The following GABRB1 variants were observed in gnomAD, a reference collection of about 807,000 sequenced individuals.
GABRB1 encodes gamma-aminobutyric acid type A receptor subunit beta1.
GABRB1 carries 17 observed loss-of-function variants against 51.6 expected under a neutral mutation model. That is an observed-to-expected ratio of 0.33 (90% CI 0.23 to 0.49). GABRB1 has a LOEUF of 0.49. GABRB1 is among the 20% of genes least tolerant of loss of function. The pLI is 0.99. For synonymous variants in GABRB1, 247 were observed against 218.9 expected (o/e 1.13, Z -1.14); for missense variants, 410 against 600.6 (o/e 0.68, Z 3.32).
intron 4 of GABRB1, among the ~76,000 whole-genome samples, chr4:47,282,176 A>G (rs531467282): frequency 6.6e-6 from 1 of 152,326 alleles, no homozygotes; most frequent in East Asian, 1.9e-4. Flanking sequence ...TGTCAGTTAA[A>G]AATTTTTAAA....
At position 47,032,131 on chromosome 4, in the gene GABRB1, C is replaced by G. The variant is rs865820336; in HGVS notation, c.172+126C>G. On this transcript the variant is annotated intron_variant, in intron 2 of 8. Transcript: ENST00000295454. ...GTAAGCGTGCACTATACCCTGGGCA[C>G]ACACACACACACACACACACACACA... is the stretch of plus-strand genomic sequence containing the variant. The G allele has an allele frequency of 5.2e-3, 3,064 of 587,024 alleles. 17 individuals are homozygous for G. Among genetic ancestry groups the G allele is most frequent in the East Asian group, 0.02 (606 of 29,574 alleles). The allele number at this position is 587,024 out of a possible 1,614,324, so 36.4% of individuals were successfully genotyped here. A position where few individuals can be genotyped will look rare whatever the true frequency, so the allele number is the denominator to read the frequency against.
intron 4 of GABRB1, among the ~76,000 whole-genome samples, chr4:47,292,246 T>G (rs114452637): frequency 0.019 from 2,939 of 152,300 alleles, 40 homozygotes; most frequent in Non-Finnish European, 0.033. Context: ...AGACTTGCCT[T>G]TCACCTTCCA....
intron 5 of GABRB1, among the ~76,000 whole-genome samples, chr4:47,375,438 G>C (rs887324596): frequency 6.6e-6 from 1 of 152,182 alleles, no homozygotes; most frequent in Non-Finnish European, 1.5e-5. Context: ...GTTATCAGTG[G>C]GAGAGCTAGG....
chr4:47,023,800 A>T (rs973320509), intron 1 of GABRB1, among the ~76,000 whole-genome samples: 10 of 152,048 alleles, frequency 6.6e-5, no homozygotes, highest in African/African-American at 2.2e-4. Flanking sequence ...CTTGCTGTGT[A>T]CCAACACAAA....
intron 4 of GABRB1, among the ~76,000 whole-genome samples, chr4:47,245,496 G>C (rs920790326): frequency 1.3e-5 from 2 of 152,110 alleles, no homozygotes; most frequent in African/African-American, 4.8e-5. Flanking sequence ...GTTAGTAAGG[G>C]ATTGGGGAGA....
chr4:47,172,005 G>A (rs936935583), intron 4 of GABRB1, among the ~76,000 whole-genome samples: 3 of 151,860 alleles, frequency 2.0e-5, no homozygotes, highest in Non-Finnish European at 2.9e-5. Context: ...TTCCACTGTC[G>A]TTTGTATATC....
intron 4 of GABRB1, among the ~76,000 whole-genome samples, chr4:47,260,969 G>A (rs1170749792): frequency 6.6e-6 from 1 of 152,024 alleles, no homozygotes; most frequent in Non-Finnish European, 1.5e-5. Context: ...TCTCAATAGA[G>A]GCAGAACAGG....
At chr4:47,060,593 T>C (rs941945636) in intron 3 of GABRB1, among the ~76,000 whole-genome samples, 4 of 152,200 alleles carry the variant, frequency 2.6e-5, no homozygotes, top group Admixed American at 2.0e-4. Context: ...TCAACTCTTA[T>C]GACTTTATAC....
At chr4:47,208,607 AG>A (rs1720231577) in intron 4 of GABRB1, among the ~76,000 whole-genome samples, 1 of 152,122 alleles carries the variant, frequency 6.6e-6, no homozygotes, top group Non-Finnish European at 1.5e-5. Context: ...ATTTTATAAA[AG>A]CTGTCAAAAA....
At chr4:47,091,998 C>G (rs1560530104) in intron 3 of GABRB1, among the ~76,000 whole-genome samples, 1 of 152,116 alleles carries the variant, frequency 6.6e-6, no homozygotes, top group Non-Finnish European at 1.5e-5. Flanking sequence ...TTCCCATGAT[C>G]ACAGACTGGG....
intron 5 of GABRB1, among the ~76,000 whole-genome samples, chr4:47,393,280 C>A (rs1160618811): frequency 2.0e-5 from 3 of 152,182 alleles, no homozygotes; most frequent in African/African-American, 7.2e-5. Context: ...GTTTTGACTG[C>A]AAGCAAAAAT....
intron 4 of GABRB1, among the ~76,000 whole-genome samples, chr4:47,169,434 T>TA (rs1332290751): frequency 6.6e-6 from 1 of 152,144 alleles, no homozygotes; most frequent in Non-Finnish European, 1.5e-5. Context: ...GTTTAAAAGG[T>TA]AGCACACTAT....
At chr4:47,042,926 A>G (rs1310978690) in intron 3 of GABRB1, among the ~76,000 whole-genome samples, 1 of 151,948 alleles carries the variant, frequency 6.6e-6, no homozygotes, top group Non-Finnish European at 1.5e-5. Flanking sequence ...TTAAAATGTC[A>G]ACTTTTGTCT....
intron 4 of GABRB1, among the ~76,000 whole-genome samples, chr4:47,239,865 A>G (rs1481183130): frequency 6.6e-6 from 1 of 152,122 alleles, no homozygotes; most frequent in Non-Finnish European, 1.5e-5. Flanking sequence ...CAATCACCCT[A>G]TCCGGCCTTT....
At chr4:47,207,578 T>C (rs1013052848) in intron 4 of GABRB1, among the ~76,000 whole-genome samples, 6 of 152,080 alleles carry the variant, frequency 3.9e-5, no homozygotes, top group Admixed American at 2.6e-4. Context: ...GGTAACCCTT[T>C]GTTTTATAAA....
Position 47,003,298 on chromosome 4 carries a change from G to A in GABRB1, c.-20+9372G>A, listed in dbSNP as rs75681569. On this transcript the variant is annotated intron_variant, in intron 1 of 3. Coordinates refer to the GABRB1 transcript ENST00000513567. ...CTCCCAGGTAAGGGTTTTGTTATCT[G>A]TCTCTACAGACTGTTGTAATTCTGT... 9.2e-3 allele frequency among the ~76,000 whole-genome samples: 1,396 copies of A among 152,216 alleles called. 18 individuals are homozygous for A. Among genetic ancestry groups the A allele is most frequent in the African/African-American group, 0.031 (1,297 of 41,530 alleles).
At chr4:47,215,014 T>A (rs73247673) in intron 4 of GABRB1, among the ~76,000 whole-genome samples, 19,238 of 152,090 alleles carry the variant, frequency 0.13, 1,397 homozygotes, top group Non-Finnish European at 0.15. Context: ...TTTGTTGGGA[T>A]GTAACCCCAC....
chr4:47,262,032 A>G (rs1461912162), intron 4 of GABRB1, among the ~76,000 whole-genome samples: 8 of 151,742 alleles, frequency 5.3e-5, no homozygotes, highest in Non-Finnish European at 1.0e-4. Flanking sequence ...CACCTTATAC[A>G]AAAATCAATT....
chr4:47,073,405 G>A (rs117303901), intron 3 of GABRB1, among the ~76,000 whole-genome samples: 2,884 of 152,074 alleles, frequency 0.019, 194 homozygotes, highest in Admixed American at 0.12. Context: ...TCTTTAATAA[G>A]CATCCTTAGC....
Sources: gnomAD v4.1 joint callset for allele counts (sites outside exome capture counted in the v4.1 genomes callset) on GRCh38, gnomAD v4.1.1 for gene constraint, MANE v1.5 for transcripts, NCBI Gene and HGNC (gene_info 2026-07-23, HGNC 2026-07-21) for gene names.